PATJ: variants seen among roughly 807,000 people sequenced by gnomAD.
PATJ encodes the protein PATJ crumbs cell polarity complex component.
Under a neutral mutation model 224.9 loss-of-function variants are expected in PATJ, and 190 were observed. The ratio of observed to expected loss-of-function variants is 0.84; its 90% CI spans 0.75 to 0.95. PATJ has a LOEUF of 0.95. Among genes scored for constraint, PATJ ranks in the 40% least tolerant of loss-of-function variants. PATJ has a pLI of 0.00. For synonymous variants in PATJ, 769 were observed against 820.3 expected, an observed-to-expected ratio of 0.94 and a Z score of 1.07; for missense variants, 2,121 against 2,270.3, an observed-to-expected ratio of 0.93 and a Z score of 1.34.
chr1:61,869,112 T>TG (rs1665868242), intron 20 of PATJ, among the ~76,000 whole-genome samples: 1 of 149,130 alleles, frequency 6.7e-6, no homozygotes, highest in Non-Finnish European at 1.5e-5. Context: ...TTTTTTTTTT[T>TG]TTTTTCTTTT....
chr1:61,959,431 T>TTC (rs1450347995), intron 27 of PATJ, among the ~76,000 whole-genome samples: 5,069 of 39,014 alleles, frequency 0.13, 377 homozygotes, highest in African/African-American at 0.25. Context: ...ATATATTTTT[T>TTC]TTCTTTTCTT....
chr1:61,796,049 T>C (rs1651025505), intron 10 of PATJ, among the ~76,000 whole-genome samples: 1 of 152,222 alleles, frequency 6.6e-6, no homozygotes, highest in South Asian at 2.1e-4. Flanking sequence ...TTAGTAGAAA[T>C]TAGTTCAATT....
Position 62,005,340 on chromosome 1 carries a change from G to A in PATJ, c.3868-12516G>A, listed in dbSNP as rs188276763. 2.2e-3 allele frequency among the ~76,000 whole-genome samples: 338 copies of A among 150,920 alleles called. 1 individual carries two copies. Among genetic ancestry groups the A allele is most frequent in the African/African-American group, 7.6e-3 (313 of 41,094 alleles). On this transcript the variant is annotated intron_variant, in intron 28 of 43. Coordinates refer to ENST00000642238, the MANE Select transcript of PATJ (RefSeq NM_001350145.3). ...TTCCCAAAGTGCTAGGATTACAGGC[G>A]CCCAGCCTAGGATAAATTCTTAGAA...
At chr1:62,150,679 GAAAAAAAAAAAAA>G (rs56167585) in intron 42 of PATJ, among the ~76,000 whole-genome samples, 2 of 82,008 alleles carry the variant, frequency 2.4e-5, no homozygotes, top group African/African-American at 1.0e-4. Context: ...CCTGTCTCAA[GAAAAAAAAAAAAA>G]AAAAAAAAAA....
intron 31 of PATJ, among the ~76,000 whole-genome samples, chr1:62,056,579 G>A (rs949299953): frequency 2.6e-5 from 4 of 151,942 alleles, no homozygotes; most frequent in Non-Finnish European, 5.9e-5. Flanking sequence ...TCAGGACTTC[G>A]AGACCAACCT....
intron 43 of PATJ, among the ~76,000 whole-genome samples, chr1:62,159,860 T>A (rs1328539445): frequency 6.6e-6 from 1 of 152,078 alleles, no homozygotes; most frequent in Non-Finnish European, 1.5e-5. Flanking sequence ...GAATATTCTT[T>A]ATTGCACATT....
At chr1:61,802,160 CT>C (rs1365099566) in intron 12 of PATJ, among the ~76,000 whole-genome samples, 2 of 152,064 alleles carry the variant, frequency 1.3e-5, no homozygotes, top group East Asian at 3.9e-4. Flanking sequence ...GTGGCATGAT[CT>C]CAGCTTACTG....
rs79986307 is a variant in PATJ, at chr1:61,991,616, C to A, written c.3867+1252C>A. ...CTTCCAAACCTTGGTTGCTTCTCCC[C>A]ACTTAAAACCTGTTTCTGCAAAGAA... On this transcript the variant is annotated intron_variant, in intron 28 of 43. Transcript: ENST00000642238. 3.1e-3 allele frequency: 3,040 copies of A among 985,416 alleles called. 73 individuals carry two copies. In the African/African-American group the frequency reaches 0.049, roughly 16 times the overall value. The allele number at this position is 985,416 out of a possible 1,614,324, so 61.0% of individuals were successfully genotyped here.
At chr1:61,930,176 C>T (rs1675814204) in intron 27 of PATJ, among the ~76,000 whole-genome samples, 1 of 152,136 alleles carries the variant, frequency 6.6e-6, no homozygotes, top group Non-Finnish European at 1.5e-5. Flanking sequence ...CGTGTACAGT[C>T]CCCATTTTAC....
chr1:62,074,889 A>G (rs951764155), intron 31 of PATJ, among the ~76,000 whole-genome samples: 4 of 152,118 alleles, frequency 2.6e-5, no homozygotes, highest in Admixed American at 2.6e-4. Flanking sequence ...ACTTGAACCC[A>G]GGAGGCGGAG....
chr1:62,079,949 AC>A (rs1226252446), intron 32 of PATJ, among the ~76,000 whole-genome samples: 1 of 151,286 alleles, frequency 6.6e-6, no homozygotes, highest in African/African-American at 2.4e-5. Flanking sequence ...AATCGCCTGA[AC>A]CCAGGAGGCA....
chr1:61,814,263 C>T (rs1037419782), intron 14 of PATJ, among the ~76,000 whole-genome samples: 57 of 151,046 alleles, frequency 3.8e-4, no homozygotes, highest in Non-Finnish European at 1.6e-4. Context: ...TCAGCCTCAG[C>T]CTCCCGAGTA....
intron 12 of PATJ, among the ~76,000 whole-genome samples, chr1:61,803,001 CT>C (rs1389859294): frequency 2.6e-5 from 4 of 152,100 alleles, no homozygotes; most frequent in Non-Finnish European, 5.9e-5. Context: ...TTACCTTGTT[CT>C]TTTTGACTCA....
chr1:61,937,770 C>T (rs979411370), intron 27 of PATJ, among the ~76,000 whole-genome samples: 1 of 151,794 alleles, frequency 6.6e-6, no homozygotes, highest in Non-Finnish European at 1.5e-5. Flanking sequence ...CCTGCCTCAG[C>T]CTCCCAAGTA....
intron 43 of PATJ, among the ~76,000 whole-genome samples, chr1:62,157,180 T>C (rs1458616173): frequency 2.0e-5 from 3 of 151,252 alleles, no homozygotes; most frequent in Non-Finnish European, 4.4e-5. Flanking sequence ...AAAAATTAGC[T>C]GGGCATAGTG....
At chr1:61,848,545 C>T (rs1385066229) in intron 17 of PATJ, among the ~76,000 whole-genome samples, 1 of 152,016 alleles carries the variant, frequency 6.6e-6, no homozygotes, top group Admixed American at 6.6e-5. Flanking sequence ...CTTTTGCCTA[C>T]CTCCAGAATG....
chr1:62,100,368 C>T (rs1361417448), intron 33 of PATJ: 1 of 718,288 alleles, frequency 1.4e-6, no homozygotes, highest in Non-Finnish European at 2.6e-6. Flanking sequence ...CTGGTGAGGG[C>T]CTTCATGCTG....
chr1:61,836,190 A>C (rs903894402), intron 17 of PATJ, among the ~76,000 whole-genome samples: 5 of 152,116 alleles, frequency 3.3e-5, no homozygotes, highest in African/African-American at 1.2e-4. Context: ...TAAATGTAGA[A>C]TTTTTTGTTC....
chr1:62,001,100 G>C (rs1645740317), intron 28 of PATJ, among the ~76,000 whole-genome samples: 1 of 151,756 alleles, frequency 6.6e-6, no homozygotes, highest in Non-Finnish European at 1.5e-5. Context: ...CCCTTTGTCA[G>C]ATGAGTAGGT....
Sources: gnomAD v4.1 joint callset for allele counts (sites outside exome capture counted in the v4.1 genomes callset) on GRCh38, gnomAD v4.1.1 for gene constraint, MANE v1.5 for transcripts, NCBI Gene and HGNC (gene_info 2026-07-23, HGNC 2026-07-21) for gene names.